Variants in PLAT observed in about 807,000 individuals in gnomAD.
PLAT encodes tissue-type plasminogen activator.
A neutral mutation model predicts 74.9 loss-of-function variants in PLAT; 48 were observed. The observed-to-expected ratio is 0.64, with a 90% CI of 0.51 to 0.82. PLAT has a LOEUF of 0.82. Ranked by LOEUF, PLAT falls within the 40% of genes least tolerant of loss-of-function variation. The pLI, the probability that PLAT is intolerant of heterozygous loss-of-function variation, is 0.00. For missense variants in PLAT, 673 were observed against 736.2 expected (o/e 0.91, Z 0.99); for synonymous variants, 307 against 294.4 (o/e 1.04, Z -0.44).
At position 42,175,843 on chromosome 8, in the gene PLAT, T is replaced by C; in HGVS notation, c.*150A>G. 1 of 665,836 alleles carries C rather than the reference T, an allele frequency of 1.5e-6. No homozygotes were observed. Among genetic ancestry groups the C allele is most frequent in the Non-Finnish European group, 2.5e-6 (1 of 393,352 alleles). The allele number at this position is 665,836 out of a possible 1,614,324, so 41.2% of individuals were successfully genotyped here. On this transcript the variant is annotated 3_prime_UTR_variant, in exon 14 of 14. Transcript: ENST00000220809. ...CCAAAATGGGAAGTATCTGGGAAAATGCACTCTTCCCTCTCCTGTAGGGTC... is the reference window on the plus strand; with the variant it reads ...CCAAAATGGGAAGTATCTGGGAAAACGCACTCTTCCCTCTCCTGTAGGGTC...
chr8:42,201,279 G>GT (rs1806119958), intron 1 of PLAT, among the ~76,000 whole-genome samples: 1 of 152,198 alleles, frequency 6.6e-6, no homozygotes, highest in Non-Finnish European at 1.5e-5. Context: ...CTGTTTCCTG[G>GT]TTTTTGTCAT....
At chr8:42,193,396 T>C (rs2719429) in intron 1 of PLAT, among the ~76,000 whole-genome samples, 185 bp from the exon 2 acceptor site, 100,149 of 152,082 alleles carry the variant, frequency 0.66, 33,753 homozygotes, top group South Asian at 0.76. Flanking sequence ...GCAAAATATA[T>C]ATAACACAAA....
chr8:42,179,519 C>A (rs1258559194), intron 12 of PLAT, among the ~76,000 whole-genome samples: 1 of 152,206 alleles, frequency 6.6e-6, no homozygotes, highest in Non-Finnish European at 1.5e-5. Context: ...GGAGATAGTT[C>A]TATCTCCACT....
rs1038045662 is a variant in PLAT at position 42,179,965 on chromosome 8, T to TCCAGTC, written c.1318_1323dup (p.Asp440_Trp441dup). 9 of 1,608,300 alleles carry TCCAGTC rather than the reference T, an allele frequency of 5.6e-6. No homozygotes were observed. The highest frequency in any genetic ancestry group is 7.6e-6 in the Non-Finnish European group (9 of 1,177,036). ...CCGTAGCCGGAGAGCTCACACTCCG[T>TCCAGTC]CCAGTCCGGCAGCTGCAGGTCCGCC... On this transcript the variant is annotated inframe_insertion, in exon 12 of 14. Coordinates refer to ENST00000220809, the MANE Select transcript of PLAT (RefSeq NM_000930.5).
At chr8:42,187,808 C>G (rs1448240931) in intron 5 of PLAT, 98 bp downstream of exon 5, 3 of 910,348 alleles carry the variant, frequency 3.3e-6, no homozygotes, top group Non-Finnish European at 5.3e-6. Context: ...CTGGCCCCCA[C>G]CCCTGGCCCT....
Position 42,176,012 on chromosome 8 carries a change from C to A in PLAT, c.1670G>T (p.Arg557Leu), listed in dbSNP as rs62001884. 1 of 1,614,112 alleles carries A rather than the reference C, an allele frequency of 6.2e-7. No individual in the cohort carries two copies. The highest frequency in any genetic ancestry group is 8.5e-7 in the Non-Finnish European group (1 of 1,179,982). Reference sequence around the variant, plus strand: ...TCCTGGTCACGGTCGCATGTTGTCACGAATCCAGTCTAGGTAGTTGGTAAC... The same window carrying A: ...TCCTGGTCACGGTCGCATGTTGTCAAGAATCCAGTCTAGGTAGTTGGTAAC... ...TKVTNYLDWI[R>L]DNMRP Residue 557 changes from arginine to leucine, a missense_variant, in exon 14 of 14, where the codon CGT becomes CTT. Arg to Leu is a moderately radical substitution (Grantham distance 102, BLOSUM62 -2). Coordinates refer to ENST00000220809, the MANE Select transcript of PLAT (RefSeq NM_000930.5).
intron 7 of PLAT, 93 bp from the exon 8 acceptor site, chr8:42,182,983 AGCTGGAGGCC>A: frequency 1.0e-6 from 1 of 972,014 alleles, no homozygotes; most frequent in Admixed American, 2.1e-5. Flanking sequence ...CGGTCGAGGA[AGCTGGAGGCC>A]GCTAGCCCGG....
At chr8:42,176,398 G>A (rs1290720462) in intron 13 of PLAT, among the ~76,000 whole-genome samples, 1 of 152,170 alleles carries the variant, frequency 6.6e-6, no homozygotes, top group East Asian at 1.9e-4. Context: ...TGCACATTAA[G>A]CCAACTGAGG....
chr8:42,179,010 A>C lies in PLAT; in HGVS notation c.1417T>G (p.Ser473Ala). Residue 473 changes from serine to alanine, a missense_variant, in exon 13 of 14, where the codon TCC (serine) becomes GCC (alanine). Physicochemically the swap from Ser to Ala is moderately conservative, Grantham distance 99. Coordinates refer to ENST00000220809, the MANE Select transcript of PLAT (RefSeq NM_000930.5). ...AAATGTTGTGATGTGCAGCGGCTGG[A>C]TGGGTACAGTCTGACATGAGCCTCC... ...LKEAHVRLYP[S>A]SRCTSQHLLN... The C allele has an allele frequency of 6.2e-7, 1 of 1,613,616 alleles. No individual in the cohort carries two copies. Among genetic ancestry groups the C allele is most frequent in the Non-Finnish European group, 8.5e-7 (1 of 1,179,506 alleles).
chr8:42,200,700 G>A (rs1235986785), intron 1 of PLAT, among the ~76,000 whole-genome samples: 1 of 138,906 alleles, frequency 7.2e-6, no homozygotes, highest in Non-Finnish European at 1.5e-5. Context: ...AAAAGTATAA[G>A]CGTCGTGCTG....
At chr8:42,203,681 G>T (rs1280406630) in intron 1 of PLAT, among the ~76,000 whole-genome samples, 1 of 152,066 alleles carries the variant, frequency 6.6e-6, no homozygotes, top group Non-Finnish European at 1.5e-5. Flanking sequence ...ATCACTAAGA[G>T]GGACTGGGCA....
Position 42,197,473 on chromosome 8 carries a change from G to A in PLAT, c.-26-4262C>T, listed in dbSNP as rs8178710. ...TACCGTGCTGTAAGCTCACTTTCCT[G>A]GGAGATGTACTGTTTCCCAGAGCCA... On this transcript the variant is annotated intron_variant, in intron 1 of 13. Transcript: ENST00000220809. Among the ~76,000 whole-genome samples the A allele has an allele frequency of 1.8e-3, 273 of 152,328 alleles. 1 individual carries two copies. Among genetic ancestry groups the A allele is most frequent in the African/African-American group, 6.4e-3 (266 of 41,574 alleles).
Position 42,176,078 on chromosome 8 carries a change from A to G in PLAT, c.1604T>C (p.Leu535Pro), listed in dbSNP as rs766783310. The change falls in exon 14 of 14, where the codon CTG (leucine) becomes CCG (proline). Residue 535 changes from leucine (L) to proline (P), a missense_variant. Coordinates refer to ENST00000220809, the MANE Select transcript of PLAT (RefSeq NM_000930.5). ...CGGGACATCCTTCTGTCCACAGCCC[A>G]GGCCCCAGCTGATGATGCCCACCAA... ...MTLVGIISWG[L>P]GCGQKDVPGV... The G allele has an allele frequency of 8.7e-6, 14 of 1,613,958 alleles. No homozygotes were observed. The East Asian group carries it at 2.9e-4, about 33-fold the overall frequency.
At chr8:42,207,067 G>A (rs8178678) in intron 1 of PLAT, among the ~76,000 whole-genome samples, 7,116 of 152,248 alleles carry the variant, frequency 0.047, 404 homozygotes, top group African/African-American at 0.14. Context: ...TTCATCGGGG[G>A]AGGGAGGAAA....
rs960922869 is a variant in PLAT, at chr8:42,175,830, G to T, written c.*163C>A. 9.6e-6 allele frequency: 6 copies of T among 622,074 alleles called. No homozygotes were observed. The South Asian group carries it at 1.2e-4, about 12-fold the overall frequency. The allele number at this position is 622,074 out of a possible 1,614,324, so 38.5% of individuals were successfully genotyped here. ...GTCCTGAAAACTTCCAAAATGGGAA[G>T]TATCTGGGAAAATGCACTCTTCCCT... On this transcript the variant is annotated 3_prime_UTR_variant, in exon 14 of 14. Transcript: ENST00000220809.
intron 9 of PLAT, among the ~76,000 whole-genome samples, chr8:42,181,629 C>T (rs1805244132): frequency 6.6e-6 from 1 of 152,228 alleles, no homozygotes; most frequent in Non-Finnish European, 1.5e-5. Context: ...GCCTCCTCCT[C>T]ATTCCCCATT....
At chr8:42,180,438 G>A in intron 10 of PLAT, 52 bp downstream of exon 10, 1 of 1,613,714 alleles carries the variant, frequency 6.2e-7, no homozygotes, top group Non-Finnish European at 8.5e-7. Context: ...TAAAGGGCTT[G>A]GTTTCTAGGC....
chr8:42,203,245 T>C (rs185484281), intron 1 of PLAT, among the ~76,000 whole-genome samples: 40 of 152,280 alleles, frequency 2.6e-4, no homozygotes, highest in Admixed American at 2.4e-3. Flanking sequence ...TGGAATCAGA[T>C]CTTCTGATCA....
At chr8:42,186,804 C>T (rs1179017868) in intron 6 of PLAT, 2 of 150,412 alleles carry the variant, frequency 1.3e-5, no homozygotes, top group Admixed American at 6.6e-5. Context: ...TCTACTATCA[C>T]CTATGTATCT....
Sources: allele counts gnomAD v4.1 joint callset (sites outside exome capture counted in the v4.1 genomes callset), GRCh38; gene constraint gnomAD v4.1.1; transcripts MANE v1.5; gene names NCBI Gene and HGNC (gene_info 2026-07-23, HGNC 2026-07-21).